The following CNTN4 variants were observed in gnomAD, a reference collection of about 807,000 sequenced individuals.
The protein encoded by CNTN4 is contactin-4.
A neutral mutation model predicts 122.5 loss-of-function variants in CNTN4; 77 were observed. That is an observed-to-expected ratio of 0.63 (90% CI 0.52 to 0.76). The LOEUF (loss-of-function observed/expected upper bound fraction) is 0.76, where lower values mean the gene tolerates loss of function less well. CNTN4 is among the 30% of genes least tolerant of loss of function. CNTN4 has a pLI of 0.00. For missense variants in CNTN4, 1,256 were observed against 1,259.1 expected (o/e 1.00, Z 0.04); for synonymous variants, 512 against 447.0 (o/e 1.15, Z -1.83).
intron 9 of CNTN4, among the ~76,000 whole-genome samples, chr3:2,883,489 A>G (rs1178074261): frequency 6.6e-6 from 1 of 152,224 alleles, no homozygotes; most frequent in African/African-American, 2.4e-5. Flanking sequence ...AGAATGGGCA[A>G]TTCTGAAAAA....
chr3:2,249,128 C>A (rs952349999), intron 2 of CNTN4, among the ~76,000 whole-genome samples: 26 of 135,946 alleles, frequency 1.9e-4, no homozygotes, highest in African/African-American at 7.4e-4. Flanking sequence ...TATTATTTGT[C>A]AATTAAAGAA....
chr3:2,992,378 CA>C (rs1270816900), intron 14 of CNTN4, among the ~76,000 whole-genome samples: 2 of 152,280 alleles, frequency 1.3e-5, no homozygotes, highest in African/African-American at 2.4e-5. Context: ...GTCAAACCCT[CA>C]AATACTCACA....
chr3:2,525,111 C>G (rs1471854019), intron 3 of CNTN4, among the ~76,000 whole-genome samples: 2 of 152,064 alleles, frequency 1.3e-5, no homozygotes, highest in Non-Finnish European at 2.9e-5. Context: ...GATGAGAACA[C>G]CTATTAGAGG....
intron 14 of CNTN4, among the ~76,000 whole-genome samples, chr3:3,006,460 G>A (rs946596342): frequency 6.6e-6 from 1 of 152,090 alleles, no homozygotes; most frequent in South Asian, 2.1e-4. Context: ...CAACTAGAAG[G>A]TCCCTTTGCG....
chr3:2,325,449 G>A (rs1368148181), intron 2 of CNTN4, among the ~76,000 whole-genome samples: 1 of 152,026 alleles, frequency 6.6e-6, no homozygotes, highest in Non-Finnish European at 1.5e-5. Context: ...AAACTCTTTA[G>A]CATTCTCCCT....
intron 13 of CNTN4, among the ~76,000 whole-genome samples, chr3:2,946,522 T>C (rs569834746): frequency 4.9e-4 from 74 of 152,204 alleles, no homozygotes; most frequent in Non-Finnish European, 8.8e-4. Context: ...CCAAAAATCA[T>C]CCAACCAAGG....
At chr3:2,538,866 CA>C (rs1385387645) in intron 3 of CNTN4, among the ~76,000 whole-genome samples, 1 of 151,728 alleles carries the variant, frequency 6.6e-6, no homozygotes, top group Non-Finnish European at 1.5e-5. Context: ...CACACACCCA[CA>C]ATGTTCTTTA....
At position 2,352,678 on chromosome 3, in the gene CNTN4, G is replaced by T. The variant is rs562969984; in HGVS notation, c.-89+13445G>T. Among the ~76,000 whole-genome samples the T allele has an allele frequency of 1.5e-3, 227 of 152,298 alleles. 1 individual carries two copies. Among genetic ancestry groups the T allele is most frequent in the African/African-American group, 5.2e-3 (216 of 41,582 alleles). ...CGCCAAGCCCGAGCTCCCCCACGGT[G>T]GGCTCCGGCATGGCTGGAGCCTCTC... On this transcript the variant is annotated intron_variant, in intron 3 of 24. Coordinates refer to ENST00000418658, the MANE Select transcript of CNTN4 (RefSeq NM_175607.3).
intron 3 of CNTN4, among the ~76,000 whole-genome samples, chr3:2,506,778 A>G (rs914108624): frequency 6.6e-6 from 1 of 152,160 alleles, no homozygotes; most frequent in Non-Finnish European, 1.5e-5. Flanking sequence ...CACTTTGCCT[A>G]TGAGTTGTGT....
At chr3:2,776,145 G>A (rs1167749048) in intron 6 of CNTN4, among the ~76,000 whole-genome samples, 1 of 152,174 alleles carries the variant, frequency 6.6e-6, no homozygotes, top group Non-Finnish European at 1.5e-5. Flanking sequence ...TGGAGTCATG[G>A]CTCCAAAGTG....
At chr3:2,891,588 G>A (rs1297825508) in intron 10 of CNTN4, among the ~76,000 whole-genome samples, 1 of 152,176 alleles carries the variant, frequency 6.6e-6, no homozygotes, top group East Asian at 1.9e-4. Flanking sequence ...AATGAGCTAG[G>A]CTTTCAAGGG....
chr3:2,183,024 A>G lies in CNTN4; in HGVS notation c.-145+82385A>G, dbSNP rs574048070. On this transcript the variant is annotated intron_variant, in intron 2 of 24. Coordinates refer to ENST00000418658, the MANE Select transcript of CNTN4 (RefSeq NM_175607.3). ...GAAGATAAAATTTTAGCTCTAACTC[A>G]TATCTTCTCTGAAGAAGATTCTTCA... Among the ~76,000 whole-genome samples the G allele has an allele frequency of 9.9e-5, 15 of 152,280 alleles. No homozygotes were observed. In the South Asian group the frequency reaches 2.7e-3, roughly 27 times the overall value.
chr3:2,983,179 A>C (rs1287767366), intron 13 of CNTN4, among the ~76,000 whole-genome samples: 1 of 128,828 alleles, frequency 7.8e-6, no homozygotes, highest in Non-Finnish European at 1.6e-5. Flanking sequence ...GCAGCACTGC[A>C]CTCCAGCCTG....
chr3:2,347,217 A>G (rs569508500), intron 3 of CNTN4, among the ~76,000 whole-genome samples: 62 of 152,276 alleles, frequency 4.1e-4, no homozygotes, highest in Admixed American at 1.1e-3. Flanking sequence ...AACATTCTCA[A>G]TGAAAGTTAA....
chr3:3,003,684 CAAAAAAAAAAAAAAAAAA>C (rs58290160), intron 14 of CNTN4, among the ~76,000 whole-genome samples: 4 of 76,966 alleles, frequency 5.2e-5, no homozygotes, highest in African/African-American at 1.6e-4. Context: ...ATGGTTGCAC[CAAAAAAAAAAAAAAAAAA>C]AAAAAAAAAA....
At chr3:2,393,481 T>G (rs2046521823) in intron 3 of CNTN4, among the ~76,000 whole-genome samples, 1 of 152,206 alleles carries the variant, frequency 6.6e-6, no homozygotes, top group Non-Finnish European at 1.5e-5. Flanking sequence ...TTCTGTTTTT[T>G]ACAGATGTAT....
intron 4 of CNTN4, among the ~76,000 whole-genome samples, chr3:2,718,202 C>T (rs1392271038): frequency 6.6e-6 from 1 of 151,946 alleles, no homozygotes; most frequent in Non-Finnish European, 1.5e-5. Flanking sequence ...AAAATAGCCT[C>T]ATATATATTA....
intron 3 of CNTN4, among the ~76,000 whole-genome samples, chr3:2,513,468 A>G (rs1161615703): frequency 6.6e-6 from 1 of 152,044 alleles, no homozygotes; most frequent in Non-Finnish European, 1.5e-5. Flanking sequence ...TACTTGGTTG[A>G]GTAAATAGTG....
At chr3:2,499,889 GTTC>G (rs1427335561) in intron 3 of CNTN4, among the ~76,000 whole-genome samples, 2 of 151,950 alleles carry the variant, frequency 1.3e-5, no homozygotes, top group Non-Finnish European at 2.9e-5. Flanking sequence ...TGTTTACTTA[GTTC>G]TTCTTTTATT....
Sources: allele counts gnomAD v4.1 joint callset (sites outside exome capture counted in the v4.1 genomes callset), GRCh38; gene constraint gnomAD v4.1.1; transcripts MANE v1.5; gene names NCBI Gene and HGNC (gene_info 2026-07-23, HGNC 2026-07-21).